Variants in LCORL observed in about 807,000 individuals in gnomAD.
LCORL encodes ligand-dependent nuclear receptor corepressor-like protein.
Under a neutral mutation model 141.8 loss-of-function variants are expected in LCORL, and 41 were observed. The ratio of observed to expected loss-of-function variants is 0.29; its 90% CI spans 0.23 to 0.38. LCORL has a LOEUF of 0.38. Ranked by LOEUF, LCORL falls within the 10% of genes least tolerant of loss-of-function variation. The probability of loss-of-function intolerance (pLI) is 1.00; values close to 1 mark genes in which losing one functional copy is unlikely to be tolerated. For synonymous variants in LCORL, 618 were observed against 694.1 expected, an observed-to-expected ratio of 0.89 and a Z score of 1.72; for missense variants, 1,759 against 2,035.0, an observed-to-expected ratio of 0.86 and a Z score of 2.61.
At chr4:17,915,314 A>C (rs1351949880) in intron 4 of LCORL, among the ~76,000 whole-genome samples, 1 of 152,036 alleles carries the variant, frequency 6.6e-6, no homozygotes, top group Non-Finnish European at 1.5e-5. Flanking sequence ...AACCCAGCTC[A>C]CTCCTTGATT....
chr4:17,890,030 A>G (rs1383369015), intron 5 of LCORL, among the ~76,000 whole-genome samples: 1 of 152,030 alleles, frequency 6.6e-6, no homozygotes, highest in Non-Finnish European at 1.5e-5. Flanking sequence ...TTTTACTAGT[A>G]TATTCTCTGC....
intron 4 of LCORL, among the ~76,000 whole-genome samples, chr4:17,948,800 G>T (rs1739279420): frequency 6.6e-6 from 1 of 151,946 alleles, no homozygotes; most frequent in Non-Finnish European, 1.5e-5. Flanking sequence ...GAGAAAATGG[G>T]AAACAATTTT....
intron 2 of LCORL, among the ~76,000 whole-genome samples, chr4:17,966,360 T>C (rs1714869309): frequency 6.6e-6 from 1 of 152,070 alleles, no homozygotes; most frequent in Admixed American, 6.6e-5. Flanking sequence ...ATAAGGATAA[T>C]AAAGGAATAT....
intron 4 of LCORL, among the ~76,000 whole-genome samples, chr4:17,957,734 T>A (rs981508141): frequency 6.6e-6 from 1 of 151,988 alleles, no homozygotes; most frequent in African/African-American, 2.4e-5. Context: ...AGAAGAAAAA[T>A]CTTTTCATGA....
At chr4:17,987,622 T>G (rs1719218483) in intron 1 of LCORL, among the ~76,000 whole-genome samples, 1 of 152,170 alleles carries the variant, frequency 6.6e-6, no homozygotes, top group African/African-American at 2.4e-5. Flanking sequence ...ACTGACAAAC[T>G]GCTTCCCAAA....
At chr4:17,934,020 G>A (rs1008521486) in intron 4 of LCORL, among the ~76,000 whole-genome samples, 1 of 151,900 alleles carries the variant, frequency 6.6e-6, no homozygotes, top group African/African-American at 2.4e-5. Flanking sequence ...TGCTACCTCT[G>A]GTCCTATGAT....
chr4:17,891,470 G>C (rs1729069853), intron 5 of LCORL, among the ~76,000 whole-genome samples: 1 of 152,018 alleles, frequency 6.6e-6, no homozygotes, highest in Non-Finnish European at 1.5e-5. Context: ...TATATAAAAA[G>C]ATATACCGTA....
At chr4:17,891,441 T>G (rs1729065853) in intron 5 of LCORL, among the ~76,000 whole-genome samples, 1 of 152,074 alleles carries the variant, frequency 6.6e-6, no homozygotes. Flanking sequence ...GAAAATAATA[T>G]TTAACATAAA....
At chr4:17,969,702 T>A (rs568287238) in intron 2 of LCORL, among the ~76,000 whole-genome samples, 1 of 152,306 alleles carries the variant, frequency 6.6e-6, no homozygotes, top group African/African-American at 2.4e-5. Flanking sequence ...TCTTGATTCT[T>A]TAGATTTTTC....
At chr4:17,984,496 TG>T (rs575235380) in intron 1 of LCORL, among the ~76,000 whole-genome samples, 102 of 152,062 alleles carry the variant, frequency 6.7e-4, no homozygotes, top group South Asian at 6.0e-3. Context: ...TTCAGTTGTA[TG>T]GGGGGGTATA....
chr4:18,017,858 G>A (rs1027002682), intron 1 of LCORL, among the ~76,000 whole-genome samples: 1 of 152,112 alleles, frequency 6.6e-6, no homozygotes, highest in Non-Finnish European at 1.5e-5. Flanking sequence ...TAACCTCACT[G>A]TAATTAGGTA....
exon 7 of LCORL, chr4:17,875,035 T>C: frequency 5.7e-6 from 7 of 1,233,692 alleles, no homozygotes; most frequent in African/African-American, 1.5e-5. Flanking sequence ...ATCATACGTT[T>C]TGATCCATTT....
At position 18,009,097 on chromosome 4, in the gene LCORL, T is replaced by C. The variant is rs139499091; in HGVS notation, c.154+12501A>G. Among the ~76,000 whole-genome samples, 1,234 of 152,162 alleles carry C rather than the reference T, an allele frequency of 8.1e-3. 14 individuals carry two copies. The highest frequency in any genetic ancestry group is 0.028 in the African/African-American group (1,152 of 41,516). ...CTAAGCCCCTTCTCAATGACCAGTA[T>C]AGGGCATGTGTATGTATACATACAC... On this transcript the variant is annotated intron_variant, in intron 1 of 7. Transcript: ENST00000635767.
exon 7 of LCORL, chr4:17,876,984 T>A (rs1726990767): frequency 1.6e-6 from 2 of 1,230,648 alleles, no homozygotes; most frequent in Admixed American, 8.5e-5. Flanking sequence ...TTGGTCATGA[T>A]AGAATTCTCC....
intron 2 of LCORL, among the ~76,000 whole-genome samples, chr4:17,969,218 G>T (rs955993123): frequency 6.6e-6 from 1 of 152,162 alleles, no homozygotes. Context: ...TCTTCTAAAA[G>T]TACACCAATG....
chr4:17,961,752 C>A (rs1357024534), intron 4 of LCORL, 151 bp downstream of exon 4: 4 of 542,232 alleles, frequency 7.4e-6, no homozygotes, highest in Non-Finnish European at 1.3e-5. Flanking sequence ...GAGACTCCTA[C>A]TGTCCCTAAA....
At chr4:17,849,799 C>A (rs1328192525) in intron 7 of LCORL, among the ~76,000 whole-genome samples, 1 of 151,854 alleles carries the variant, frequency 6.6e-6, no homozygotes, top group East Asian at 1.9e-4. Flanking sequence ...TCATATGGAA[C>A]CAAAAAAGAG....
chr4:17,844,122 TAAC>T (rs1394182279), exon 8 of LCORL: 4 of 151,972 alleles, frequency 2.6e-5, no homozygotes, highest in African/African-American at 4.8e-5. Context: ...ATTTTTGGCA[TAAC>T]AAAATAATAT....
At chr4:17,975,643 A>G (rs1452391701) in intron 1 of LCORL, among the ~76,000 whole-genome samples, 5 of 152,082 alleles carry the variant, frequency 3.3e-5, no homozygotes, top group Admixed American at 3.3e-4. Context: ...TGATCCATCC[A>G]TCTCAGCCTC....
Sources: allele counts gnomAD v4.1 joint callset (sites outside exome capture counted in the v4.1 genomes callset), GRCh38; gene constraint gnomAD v4.1.1; transcripts MANE v1.5; gene names NCBI Gene and HGNC (gene_info 2026-07-23, HGNC 2026-07-21).